CADPS2: variants seen among roughly 807,000 people sequenced by gnomAD.
CADPS2 encodes the protein calcium-dependent secretion activator 2.
CADPS2 carries 93 observed loss-of-function variants against 172.5 expected under a neutral mutation model. The observed-to-expected ratio is 0.54, with a 90% CI of 0.46 to 0.64. The LOEUF (loss-of-function observed/expected upper bound fraction) is 0.64. Ranked by LOEUF, CADPS2 falls within the 30% of genes least tolerant of loss-of-function variation. The probability of loss-of-function intolerance (pLI) is 0.00; values close to 1 mark genes in which losing one functional copy is unlikely to be tolerated. For synonymous variants in CADPS2, 546 were observed against 555.2 expected (o/e 0.98, Z 0.23); for missense variants, 1,420 against 1,565.9 (o/e 0.91, Z 1.57).
intron 11 of CADPS2, among the ~76,000 whole-genome samples, chr7:122,482,854 AG>A (rs2057443853): frequency 6.6e-6 from 1 of 152,184 alleles, no homozygotes; most frequent in Non-Finnish European, 1.5e-5. Context: ...GATCTACAGA[AG>A]GCCTCCCCCA....
chr7:122,454,829 A>C (rs1211661401), intron 14 of CADPS2, among the ~76,000 whole-genome samples: 1 of 152,128 alleles, frequency 6.6e-6, no homozygotes, highest in Non-Finnish European at 1.5e-5. Context: ...CCTTCAAAAC[A>C]CACCCAGAAT....
At chr7:122,691,119 T>C (rs1276550062) in intron 2 of CADPS2, among the ~76,000 whole-genome samples, 1 of 152,224 alleles carries the variant, frequency 6.6e-6, no homozygotes, top group African/African-American at 2.4e-5. Flanking sequence ...AGTGGATGTC[T>C]GCACCGTCCT....
chr7:122,345,072 A>C lies in CADPS2; in HGVS notation c.3612+502T>G. Among the ~76,000 whole-genome samples, 2 of 152,082 alleles carry C rather than the reference A, an allele frequency of 1.3e-5. 1 individual carries two copies. Among genetic ancestry groups the C allele is most frequent in the Non-Finnish European group, 2.9e-5 (2 of 68,010 alleles). On this transcript the variant is annotated intron_variant, in intron 28 of 29. Coordinates refer to ENST00000449022, the MANE Select transcript of CADPS2 (RefSeq NM_017954.11). ...CCGCCATCCCCCCGGCCCACACACC[A>C]ACAAATATACCTTTGATGGTCTATA...
chr7:122,455,086 C>A (rs1352445363), intron 14 of CADPS2, among the ~76,000 whole-genome samples: 1 of 152,110 alleles, frequency 6.6e-6, no homozygotes, highest in Admixed American at 6.6e-5. Flanking sequence ...AGCCCCGCTT[C>A]CCACAATCTG....
At chr7:122,765,643 T>C (rs1195382265) in intron 1 of CADPS2, among the ~76,000 whole-genome samples, 1 of 152,162 alleles carries the variant, frequency 6.6e-6, no homozygotes, top group Non-Finnish European at 1.5e-5. Flanking sequence ...ATGTCCTCTA[T>C]ATAGAGGACT....
intron 3 of CADPS2, among the ~76,000 whole-genome samples, chr7:122,637,171 C>CTTTTTTTTTT (rs71161313): frequency 1.9e-5 from 1 of 53,900 alleles, no homozygotes; most frequent in Non-Finnish European, 3.7e-5. Flanking sequence ...TGAAATTTTG[C>CTTTTTTTTTT]TTTTTTTTTT....
At chr7:122,322,634 T>C (rs1050255968) in intron 29 of CADPS2, among the ~76,000 whole-genome samples, 1 of 152,234 alleles carries the variant, frequency 6.6e-6, no homozygotes, top group African/African-American at 2.4e-5. Context: ...ACAACCATTT[T>C]GACTATTTGA....
intron 24 of CADPS2, among the ~76,000 whole-genome samples, chr7:122,386,552 T>G (rs1217611822): frequency 6.6e-6 from 1 of 151,804 alleles, no homozygotes; most frequent in Non-Finnish European, 1.5e-5. Context: ...ATAGAAAGAA[T>G]AGGATATTTA....
intron 6 of CADPS2, among the ~76,000 whole-genome samples, chr7:122,603,405 A>T (rs1479725841): frequency 6.8e-6 from 1 of 147,396 alleles, no homozygotes; most frequent in African/African-American, 2.7e-5. Flanking sequence ...TGGACTTAAA[A>T]ATAGGATGCT....
At chr7:122,810,306 C>T (rs1369657580) in intron 1 of CADPS2, among the ~76,000 whole-genome samples, 1 of 152,144 alleles carries the variant, frequency 6.6e-6, no homozygotes, top group Non-Finnish European at 1.5e-5. Context: ...CCTACTTCCA[C>T]CCCTTGGAAG....
chr7:122,666,346 CT>C lies in CADPS2; in HGVS notation c.454-2778del, dbSNP rs35558114. Among the ~76,000 whole-genome samples, 872 of 133,466 alleles carry C rather than the reference CT, an allele frequency of 6.5e-3. 31 individuals are homozygous for C. The East Asian group carries it at 0.12, about 19-fold the overall frequency. 87.6% of individuals were successfully genotyped at this position (133,466 alleles called of 152,430 possible). On this transcript the variant is annotated intron_variant, in intron 2 of 29. Coordinates refer to ENST00000449022, the MANE Select transcript of CADPS2 (RefSeq NM_017954.11). ...ATTGCCCTACCTGTGTCTGCTAACA[CT>C]TTTTTTTTTTTTTTGAGATGGAGTC...
intron 1 of CADPS2, among the ~76,000 whole-genome samples, chr7:122,774,267 T>C (rs1356968771): frequency 2.5e-5 from 3 of 119,572 alleles, no homozygotes; most frequent in East Asian, 2.3e-4. Flanking sequence ...CATAGATAGA[T>C]ATACACACAC....
At position 122,731,139 on chromosome 7, in the gene CADPS2, T is replaced by TCTAA. The variant is rs113357730; in HGVS notation, c.453+5815_453+5816insTTAG. ...TAACTTTTAAAAGATTAAATACCTC[T>TCTAA]CTCTCATTTATTCTTTGGAACCAAA... On this transcript the variant is annotated intron_variant, in intron 2 of 29. Coordinates refer to ENST00000449022, the MANE Select transcript of CADPS2 (RefSeq NM_017954.11). Among the ~76,000 whole-genome samples, 943 of 151,766 alleles carry TCTAA rather than the reference T, an allele frequency of 6.2e-3. 10 individuals are homozygous for TCTAA. Among genetic ancestry groups the TCTAA allele is most frequent in the African/African-American group, 0.021 (869 of 41,500 alleles).
chr7:122,806,768 T>C (rs1798875621), intron 1 of CADPS2, among the ~76,000 whole-genome samples: 2 of 152,204 alleles, frequency 1.3e-5, no homozygotes, highest in African/African-American at 2.4e-5. Context: ...TATTCAAATA[T>C]AGAAATCTGT....
At chr7:122,491,730 C>T (rs138197674) in intron 9 of CADPS2, among the ~76,000 whole-genome samples, 15 of 152,190 alleles carry the variant, frequency 9.9e-5, no homozygotes, top group African/African-American at 2.9e-4. Context: ...GATCATTAGC[C>T]TATTAAGAAG....
chr7:122,853,132 A>G (rs1045150813), intron 1 of CADPS2, among the ~76,000 whole-genome samples: 5 of 152,154 alleles, frequency 3.3e-5, no homozygotes, highest in Admixed American at 6.5e-5. Context: ...CCTCCCTCCT[A>G]TTTCACATGA....
chr7:122,674,971 G>A (rs1051206723), intron 2 of CADPS2, among the ~76,000 whole-genome samples: 2 of 152,222 alleles, frequency 1.3e-5, no homozygotes, highest in Admixed American at 6.5e-5. Flanking sequence ...TAACTGTGGT[G>A]AAGTTTAGTC....
At chr7:122,541,524 T>C (rs1487940353) in intron 8 of CADPS2, among the ~76,000 whole-genome samples, 1 of 147,792 alleles carries the variant, frequency 6.8e-6, no homozygotes, top group Non-Finnish European at 1.5e-5. Flanking sequence ...TTTTTTTTTT[T>C]TTATGCTTCT....
chr7:122,431,108 G>A (rs1263022030), intron 17 of CADPS2, among the ~76,000 whole-genome samples: 3 of 152,190 alleles, frequency 2.0e-5, no homozygotes, highest in Non-Finnish European at 4.4e-5. Flanking sequence ...TTATTTTAGT[G>A]TTAGTTTTTG....
Sources: allele counts gnomAD v4.1 joint callset (sites outside exome capture counted in the v4.1 genomes callset), GRCh38; gene constraint gnomAD v4.1.1; transcripts MANE v1.5; gene names NCBI Gene and HGNC (gene_info 2026-07-23, HGNC 2026-07-21).